The following NFIB variants were observed in gnomAD, a reference collection of about 807,000 sequenced individuals.
NFIB encodes the protein nuclear factor I B.
In NFIB, 11 loss-of-function variants were observed where a neutral mutation model predicts 61.5. That is an observed-to-expected ratio of 0.18 (90% confidence interval 0.11 to 0.30). NFIB has a LOEUF of 0.30. Ranked by LOEUF, NFIB falls within the 10% of genes least tolerant of loss-of-function variation. The pLI is 1.00. For synonymous variants in NFIB, 260 were observed against 216.5 expected (o/e 1.20, Z -1.76); for missense variants, 471 against 608.9 (o/e 0.77, Z 2.38).
chr9:14,161,682 T>A (rs2044222138), intron 3 of NFIB, among the ~76,000 whole-genome samples: 1 of 152,118 alleles, frequency 6.6e-6, no homozygotes, highest in African/African-American at 2.4e-5. Flanking sequence ...TGTTTGGCAT[T>A]TTAGGTTATT....
At chr9:14,117,410 T>G (rs1294700301) in intron 8 of NFIB, among the ~76,000 whole-genome samples, 1 of 152,172 alleles carries the variant, frequency 6.6e-6, no homozygotes, top group African/African-American at 2.4e-5. Context: ...GTTGGAATTC[T>G]CCACTGCACG....
chr9:14,218,591 T>A (rs976191874), intron 2 of NFIB, among the ~76,000 whole-genome samples: 9 of 152,208 alleles, frequency 5.9e-5, no homozygotes, highest in African/African-American at 2.2e-4. Flanking sequence ...AATGAACAAA[T>A]GAATTTTCTT....
At chr9:14,358,516 A>G (rs12376284) in intron 1 of NFIB, among the ~76,000 whole-genome samples, 1 of 152,174 alleles carries the variant, frequency 6.6e-6, no homozygotes, top group Admixed American at 6.5e-5. Context: ...AACTTTGCTG[A>G]AAGTTTTTTC....
intron 6 of NFIB, among the ~76,000 whole-genome samples, chr9:14,140,078 T>C (rs2041511927): frequency 6.6e-6 from 1 of 152,232 alleles, no homozygotes; most frequent in Non-Finnish European, 1.5e-5. Flanking sequence ...TCTCTTTTTT[T>C]CTGGTTCAAA....
intron 1 of NFIB, among the ~76,000 whole-genome samples, chr9:14,348,675 T>C (rs942609978): frequency 6.6e-6 from 1 of 152,200 alleles, no homozygotes; most frequent in South Asian, 2.1e-4. Flanking sequence ...GGGATGGCTC[T>C]GGGGGTGCCA....
At chr9:14,491,891 A>G in the NFIB span, among the ~76,000 whole-genome samples, 2,496 of 152,284 alleles carry the variant, frequency 0.016, 70 homozygotes, top group African/African-American at 0.057. Context: ...TTCATGTTCT[A>G]TGAATTGCTC....
the NFIB span, among the ~76,000 whole-genome samples, chr9:14,404,491 G>C: frequency 1.3e-5 from 2 of 152,154 alleles, no homozygotes; most frequent in Non-Finnish European, 2.9e-5. Flanking sequence ...TTTCCTACCA[G>C]CTTGCCATTG....
intron 2 of NFIB, chr9:14,305,927 G>A (rs547757988): frequency 1.7e-5 from 22 of 1,261,282 alleles, no homozygotes; most frequent in South Asian, 7.1e-5. Context: ...TTTGGTATGC[G>A]GCTTTGTAAA....
At chr9:14,209,199 C>T (rs1157983006) in intron 2 of NFIB, among the ~76,000 whole-genome samples, 2 of 152,188 alleles carry the variant, frequency 1.3e-5, no homozygotes, top group East Asian at 3.8e-4. Context: ...ATTTTTATGA[C>T]ATGCTTATGT....
the NFIB span, among the ~76,000 whole-genome samples, chr9:14,491,212 G>C: frequency 6.6e-6 from 1 of 152,044 alleles, no homozygotes; most frequent in Non-Finnish European, 1.5e-5. Flanking sequence ...TGCATGTAAA[G>C]CTCTGAGAAC....
intron 1 of NFIB, among the ~76,000 whole-genome samples, chr9:14,388,210 A>G (rs1564051477): frequency 6.6e-6 from 1 of 152,146 alleles, no homozygotes; most frequent in Non-Finnish European, 1.5e-5. Flanking sequence ...AATGTTCAGT[A>G]AGAAAAGAAA....
At chr9:14,151,125 GA>G (rs1333700245) in intron 4 of NFIB, among the ~76,000 whole-genome samples, 4 of 151,988 alleles carry the variant, frequency 2.6e-5, no homozygotes, top group Non-Finnish European at 5.9e-5. Flanking sequence ...ATAATAACCG[GA>G]CACATAGGAT....
chr9:14,522,777 AG>A, the NFIB span, among the ~76,000 whole-genome samples: 3 of 152,210 alleles, frequency 2.0e-5, no homozygotes, highest in Non-Finnish European at 4.4e-5. Context: ...AATTTTCATC[AG>A]ATTAGCTGTC....
At chr9:14,420,964 G>A in the NFIB span, among the ~76,000 whole-genome samples, 5 of 144,390 alleles carry the variant, frequency 3.5e-5, no homozygotes, top group East Asian at 2.0e-4. Flanking sequence ...TTTTTTTTTC[G>A]TTTTTAAACT....
chr9:14,211,524 G>A (rs1377703077), intron 2 of NFIB, among the ~76,000 whole-genome samples: 1 of 152,174 alleles, frequency 6.6e-6, no homozygotes. Context: ...CACTCCCATT[G>A]TCTACCTTAA....
At chr9:14,151,351 T>C (rs1370577062) in intron 4 of NFIB, among the ~76,000 whole-genome samples, 1 of 152,146 alleles carries the variant, frequency 6.6e-6, no homozygotes, top group African/African-American at 2.4e-5. Context: ...TGAAAATTTG[T>C]TCATTCAACA....
rs183060092 is a variant in NFIB, at chr9:14,379,697, T to C, written c.108+18827A>G. On this transcript the variant is annotated intron_variant, in intron 1 of 8. Coordinates refer to the NFIB transcript ENST00000380934. ...ATTTTATTTATTTATTTATTTATTTTTGGAGATGGAGTTTTGCTCTTGTCG... is the reference window on the plus strand; with the variant it reads ...ATTTTATTTATTTATTTATTTATTTCTGGAGATGGAGTTTTGCTCTTGTCG... Among the ~76,000 whole-genome samples the C allele has an allele frequency of 5.3e-4, 81 of 152,252 alleles. 1 individual carries two copies. In the East Asian group the frequency reaches 0.015, roughly 28 times the overall value.
the NFIB span, among the ~76,000 whole-genome samples, chr9:14,449,659 G>A: frequency 3.9e-5 from 6 of 152,180 alleles, no homozygotes; most frequent in Admixed American, 1.3e-4. Flanking sequence ...ACCGGGTACA[G>A]TGGCTTACAC....
intron 2 of NFIB, among the ~76,000 whole-genome samples, chr9:14,230,657 G>A (rs985499081): frequency 1.3e-5 from 2 of 152,194 alleles, no homozygotes; most frequent in Non-Finnish European, 2.9e-5. Context: ...AAATTAGCTG[G>A]AGGAAATGGG....
Sources: allele counts gnomAD v4.1 joint callset (sites outside exome capture counted in the v4.1 genomes callset), GRCh38; gene constraint gnomAD v4.1.1; transcripts MANE v1.5; gene names NCBI Gene and HGNC (gene_info 2026-07-23, HGNC 2026-07-21).